EML4: variants seen among roughly 807,000 people sequenced by gnomAD.
EML4 encodes echinoderm microtubule-associated protein-like 4.
A neutral mutation model predicts 129.0 loss-of-function variants in EML4; 72 were observed. The ratio of observed to expected loss-of-function variants is 0.56; its 90% CI spans 0.46 to 0.68. The LOEUF is 0.68. Ranked by LOEUF, EML4 falls within the 30% of genes least tolerant of loss-of-function variation. EML4 has a pLI of 0.00. For synonymous variants in EML4, 532 were observed against 405.0 expected (o/e 1.31, Z -3.77); for missense variants, 1,363 against 1,190.6 (o/e 1.14, Z -2.13).
intron 1 of EML4, among the ~76,000 whole-genome samples, chr2:42,221,616 T>G (rs1673604650): frequency 6.6e-6 from 1 of 151,716 alleles, no homozygotes; most frequent in Admixed American, 6.6e-5. Flanking sequence ...TGTTTTGTTT[T>G]GTTTTAGATG....
chr2:42,286,443 A>G (rs534126369), intron 10 of EML4, 64 bp downstream of exon 10: 1 of 1,002,782 alleles, frequency 1.0e-6, no homozygotes, highest in Admixed American at 1.7e-5. Context: ...AGTTAAGCTC[A>G]GTTTTGTGTT....
At chr2:42,178,819 G>T (rs1487890103) in intron 1 of EML4, among the ~76,000 whole-genome samples, 1 of 152,154 alleles carries the variant, frequency 6.6e-6, no homozygotes, top group Non-Finnish European at 1.5e-5. Flanking sequence ...AAAGTGGAGG[G>T]GGCTGAGCAC....
chr2:42,290,490 G>A (rs1424300582), intron 11 of EML4, among the ~76,000 whole-genome samples: 2 of 151,800 alleles, frequency 1.3e-5, no homozygotes, highest in Non-Finnish European at 1.5e-5. Context: ...ACTTTGGGAG[G>A]CCAAGGCAGG....
rs1171616647 is a variant in EML4, at chr2:42,288,342, A to T, written c.1218+20A>T. The T allele has an allele frequency of 7.9e-7, 1 of 1,266,810 alleles. No individual in the cohort carries two copies. Among genetic ancestry groups the T allele is most frequent in the Admixed American group, 1.8e-5 (1 of 55,748 alleles). 78.5% of individuals were successfully genotyped at this position (1,266,810 alleles called of 1,614,324 possible). ...ATAAAGGTAAATTTTTAAAAAACCG[A>T]GTATTGTGTTTTAGAGTACGTTACT... On this transcript the variant is annotated intron_variant, in intron 11 of 22. Coordinates refer to ENST00000318522, the MANE Select transcript of EML4 (RefSeq NM_019063.5).
intron 1 of EML4, 34 bp downstream of exon 1, chr2:42,169,670 GA>G (rs1670139707): frequency 6.3e-7 from 1 of 1,594,214 alleles, no homozygotes; most frequent in Non-Finnish European, 8.5e-7. Context: ...CGTCTTCTGC[GA>G]AGGGTAGGAA....
At chr2:42,171,443 G>T (rs1572819108) in intron 1 of EML4, among the ~76,000 whole-genome samples, 1 of 152,154 alleles carries the variant, frequency 6.6e-6, no homozygotes, top group African/African-American at 2.4e-5. Flanking sequence ...ACCAGTTGGG[G>T]CACTTAATGT....
intron 1 of EML4, among the ~76,000 whole-genome samples, chr2:42,197,129 G>T (rs1421069406): frequency 1.3e-5 from 2 of 152,076 alleles, no homozygotes; most frequent in African/African-American, 4.8e-5. Context: ...AAGTGCAGTG[G>T]TGCGATCACT....
At chr2:42,199,107 A>G (rs1022014773) in intron 1 of EML4, among the ~76,000 whole-genome samples, 3 of 152,262 alleles carry the variant, frequency 2.0e-5, no homozygotes, top group South Asian at 2.1e-4. Context: ...AAAAGTTTCC[A>G]TGAAGCTAAA....
chr2:42,202,509 C>G (rs1400521360), intron 1 of EML4, among the ~76,000 whole-genome samples: 1 of 152,248 alleles, frequency 6.6e-6, no homozygotes, highest in East Asian at 1.9e-4. Flanking sequence ...CACATGATCA[C>G]AAAGTGAGGT....
Position 42,317,571 on chromosome 2 carries a change from C to G in EML4, c.2154+47C>G, listed in dbSNP as rs114943085. ...GTTGTAAAATTATTGGGAAATTTTA[C>G]TTCCGTTAAAAACAAATTTTTACAT... On this transcript the variant is annotated intron_variant, in intron 19 of 22. Transcript: ENST00000318522. 2.9e-6 allele frequency: 4 copies of G among 1,401,498 alleles called. No homozygotes were observed. In the South Asian group the frequency reaches 5.0e-5, roughly 17 times the overall value. 86.8% of individuals were successfully genotyped at this position (1,401,498 alleles called of 1,614,324 possible).
At chr2:42,255,286 C>T (rs547683999) in intron 2 of EML4, among the ~76,000 whole-genome samples, 4 of 152,166 alleles carry the variant, frequency 2.6e-5, no homozygotes, top group African/African-American at 9.6e-5. Flanking sequence ...AGGGTTTCAG[C>T]ATGTTAGCCA....
intron 1 of EML4, among the ~76,000 whole-genome samples, chr2:42,228,198 G>C (rs958408324): frequency 2.7e-5 from 4 of 150,442 alleles, no homozygotes; most frequent in Non-Finnish European, 5.9e-5. Context: ...TCCAGCCTGG[G>C]TGACAGGGAG....
intron 1 of EML4, among the ~76,000 whole-genome samples, chr2:42,218,188 A>G (rs1673323306): frequency 6.6e-6 from 1 of 151,990 alleles, no homozygotes; most frequent in Non-Finnish European, 1.5e-5. Flanking sequence ...AGATTTTCAT[A>G]GGAATGCAAA....
At chr2:42,203,487 A>G (rs1572535946) in intron 1 of EML4, among the ~76,000 whole-genome samples, 1 of 152,344 alleles carries the variant, frequency 6.6e-6, no homozygotes, top group East Asian at 1.9e-4. Context: ...TTAATATAAC[A>G]AAGTTCACAT....
At position 42,284,647 on chromosome 2, in the gene EML4, C is replaced by G; in HGVS notation, c.955C>G (p.Pro319Ala). The change falls in exon 9 of 23, where the codon CCT (proline) becomes GCT (alanine). Residue 319 changes from proline (P) to alanine (A), a missense_variant. Transcript: ENST00000318522. ...TDCVKCLAIH[P>A]DKIRIATGQI... Reference sequence around the variant, plus strand: ...ACTGCTTTTTAGCCTTGCTATACATCCTGACAAAATTAGGATTGCAACTGG... The same window carrying G: ...ACTGCTTTTTAGCCTTGCTATACATGCTGACAAAATTAGGATTGCAACTGG... The G allele has an allele frequency of 1.2e-6, 2 of 1,612,248 alleles. No homozygotes were observed. Among genetic ancestry groups the G allele is most frequent in the Non-Finnish European group, 1.7e-6 (2 of 1,179,114 alleles).
In EML4 at chr2:42,331,685, T is replaced by C. The variant is rs953536801; in HGVS notation, c.*1478T>C. ...TCAGAACTGTCATTCCCTTCTAATA[T>C]CTTCTCAGGAGTAATACAAATCAGG... On this transcript the variant is annotated 3_prime_UTR_variant, in exon 23 of 23. Coordinates refer to ENST00000318522, the MANE Select transcript of EML4 (RefSeq NM_019063.5). 2.3e-5 allele frequency: 5 copies of C among 220,598 alleles called. No homozygotes were observed. Among genetic ancestry groups the C allele is most frequent in the African/African-American group, 9.0e-5 (4 of 44,626 alleles). The allele number at this position is 220,598 out of a possible 1,614,324, so 13.7% of individuals were successfully genotyped here. A position where few individuals can be genotyped will look rare whatever the true frequency, so the allele number is the denominator to read the frequency against.
chr2:42,280,882 C>T lies in EML4; in HGVS notation c.700C>T (p.Arg234Trp), dbSNP rs143862642. The T allele has an allele frequency of 1.9e-6, 3 of 1,611,214 alleles. No individual in the cohort carries two copies. Among genetic ancestry groups the T allele is most frequent in the East Asian group, 4.5e-5 (2 of 44,822 alleles). ...ATATATTAAAATGTTTATGCGCGGT[C>T]GGCCAATTACCATGTTCATTCCTTC... ...GEYIKMFMRG[R>W]PITMFIPSDV... The change falls in exon 7 of 23, where the codon CGG (arginine) becomes TGG (tryptophan). Residue 234 changes from arginine (R) to tryptophan (W), a missense_variant. Transcript: ENST00000318522.
chr2:42,217,432 T>G (rs1005319182), intron 1 of EML4, among the ~76,000 whole-genome samples: 2 of 152,240 alleles, frequency 1.3e-5, no homozygotes, highest in Non-Finnish European at 2.9e-5. Flanking sequence ...CTTCATGTTA[T>G]AGATTCAGTA....
chr2:42,330,702 G>A lies in EML4; in HGVS notation c.*495G>A, dbSNP rs571701437. The stretch of plus-strand genomic sequence containing the variant: ...ACCCTCTCACCCCAAATGTGTAATG[G>A]AAAATTTTTAATTAAGAAAAACTTC... On this transcript the variant is annotated 3_prime_UTR_variant, in exon 23 of 23. Transcript: ENST00000318522. The A allele has an allele frequency of 2.2e-5, 5 of 227,502 alleles. No individual in the cohort carries two copies. The highest frequency in any genetic ancestry group is 2.2e-4 in the South Asian group (2 of 9,098). 14.1% of individuals were successfully genotyped at this position (227,502 alleles called of 1,614,324 possible).
Sources: gnomAD v4.1 joint callset for allele counts (sites outside exome capture counted in the v4.1 genomes callset) on GRCh38, gnomAD v4.1.1 for gene constraint, MANE v1.5 for transcripts, NCBI Gene and HGNC (gene_info 2026-07-23, HGNC 2026-07-21) for gene names.